FUT8: variants seen among roughly 807,000 people sequenced by gnomAD.
FUT8 encodes the protein alpha-(1,6)-fucosyltransferase.
A neutral mutation model predicts 71.3 loss-of-function variants in FUT8; 29 were observed. That is an observed-to-expected ratio of 0.41 (90% CI 0.30 to 0.55). The LOEUF is 0.55. FUT8 is among the 20% of genes least tolerant of loss of function. The pLI is 0.34. For synonymous variants in FUT8, 254 were observed against 239.3 expected, an observed-to-expected ratio of 1.06 and a Z score of -0.57; for missense variants, 544 against 702.1, an observed-to-expected ratio of 0.77 and a Z score of 2.55.
intron 6 of FUT8, among the ~76,000 whole-genome samples, chr14:65,637,301 C>T (rs1332933122): frequency 2.6e-5 from 4 of 152,108 alleles, no homozygotes; most frequent in African/African-American, 9.7e-5. Context: ...GTTGCGATTT[C>T]TGATGAGCTC....
In FUT8 at chr14:65,669,771, G is replaced by C. The variant is rs1055767223; in HGVS notation, c.835+291G>C. Among the ~76,000 whole-genome samples, 3 of 151,974 alleles carry C rather than the reference G, an allele frequency of 2.0e-5. No individual in the cohort carries two copies. The highest frequency in any genetic ancestry group is 7.3e-5 in the African/African-American group (3 of 41,350). The stretch of plus-strand genomic sequence containing the variant: ...TAATGATATGACTTTCACTCTATAA[G>C]ATGATTTCACATTATTGAACTCATT... On this transcript the variant is annotated intron_variant, in intron 7 of 10. Transcript: ENST00000673929. This position sits in a 1 kb window ranked among gnomAD's most constrained non-coding sequence, Gnocchi z 4.5.
At position 65,695,393 on chromosome 14, in the gene FUT8, CCT is replaced by C. The variant is rs138418441; in HGVS notation, c.835+25916_835+25917del. On this transcript the variant is annotated intron_variant, in intron 7 of 10. Coordinates refer to ENST00000673929, the MANE Select transcript of FUT8 (RefSeq NM_001371533.1). Reference sequence around the variant, plus strand: ...AATTGTGTCTTCTTGGATAATTAAACCTCTGTCATTATATAATGCTGTCTATT... The same window carrying C: ...AATTGTGTCTTCTTGGATAATTAAACCTGTCATTATATAATGCTGTCTATT... Among the ~76,000 whole-genome samples the C allele has an allele frequency of 8.8e-3, 1,342 of 152,172 alleles. 21 individuals carry two copies. The highest frequency in any genetic ancestry group is 0.028 in the African/African-American group (1,168 of 41,542).
At chr14:65,464,577 G>T (rs2066014952) in intron 2 of FUT8, among the ~76,000 whole-genome samples, 1 of 151,950 alleles carries the variant, frequency 6.6e-6, no homozygotes, top group East Asian at 1.9e-4. Flanking sequence ...AACTGATGTA[G>T]AATTTTATCA....
chr14:65,721,409 C>T (rs1052750344), intron 7 of FUT8, among the ~76,000 whole-genome samples: 2 of 152,132 alleles, frequency 1.3e-5, no homozygotes, highest in African/African-American at 4.8e-5. Flanking sequence ...TTCGAGAACA[C>T]TTTATTTTCT....
At chr14:65,673,836 T>G (rs909161008) in intron 7 of FUT8, among the ~76,000 whole-genome samples, 7 of 152,214 alleles carry the variant, frequency 4.6e-5, no homozygotes, top group Non-Finnish European at 8.8e-5. Flanking sequence ...TATAAGAAAT[T>G]GATTTCAGAT....
intron 2 of FUT8, among the ~76,000 whole-genome samples, chr14:65,517,242 G>A (rs1882771977): frequency 1.3e-5 from 2 of 151,864 alleles, no homozygotes; most frequent in Admixed American, 6.6e-5. Flanking sequence ...AAATTTGTTA[G>A]TTTACATATT....
chr14:65,555,098 A>G (rs376996268), intron 2 of FUT8, among the ~76,000 whole-genome samples: 14 of 152,072 alleles, frequency 9.2e-5, no homozygotes, highest in Admixed American at 8.5e-4. Flanking sequence ...CTAAGAATGG[A>G]TTTTTCATTT....
chr14:65,561,504 T>G lies in FUT8; in HGVS notation c.-60T>G. On this transcript the variant is annotated 5_prime_UTR_variant, in exon 3 of 11. Transcript: ENST00000673929. ...CCTGTGCACTAACTAGAAACAGAGTTACAATGTTTTCAATTCTTTGAGCTC... is the reference window on the plus strand; with the variant it reads ...CCTGTGCACTAACTAGAAACAGAGTGACAATGTTTTCAATTCTTTGAGCTC... 1 of 1,514,214 alleles carries G rather than the reference T, an allele frequency of 6.6e-7. No individual in the cohort carries two copies. Among genetic ancestry groups the G allele is most frequent in the Admixed American group, 1.7e-5 (1 of 59,144 alleles). 93.8% of individuals were successfully genotyped at this position (1,514,214 alleles called of 1,614,324 possible). A position where few individuals can be genotyped will look rare whatever the true frequency, so the allele number is the denominator to read the frequency against.
At chr14:65,699,295 G>C (rs913775950) in intron 7 of FUT8, among the ~76,000 whole-genome samples, 5 of 152,108 alleles carry the variant, frequency 3.3e-5, no homozygotes, top group African/African-American at 1.2e-4. Flanking sequence ...CCTGTTTAGA[G>C]GTAATGTAAC....
intron 2 of FUT8, among the ~76,000 whole-genome samples, chr14:65,516,664 T>A (rs935414394): frequency 6.6e-5 from 10 of 152,260 alleles, no homozygotes; most frequent in South Asian, 4.1e-4. Flanking sequence ...ACATTGAATA[T>A]ACAAAATATT....
chr14:65,522,646 A>G (rs1439406955), intron 2 of FUT8, among the ~76,000 whole-genome samples: 1 of 152,102 alleles, frequency 6.6e-6, no homozygotes, highest in African/African-American at 2.4e-5. Flanking sequence ...ATATGTATAC[A>G]TGTGCCATGT....
chr14:65,614,593 TGTTC>T (rs1378447714), intron 3 of FUT8, among the ~76,000 whole-genome samples: 2 of 152,216 alleles, frequency 1.3e-5, no homozygotes, highest in Non-Finnish European at 2.9e-5. Context: ...TATTTTTGTT[TGTTC>T]GTTCGTTTGC....
chr14:65,474,309 TA>T (rs980429999), intron 2 of FUT8, among the ~76,000 whole-genome samples: 4 of 148,452 alleles, frequency 2.7e-5, no homozygotes, highest in African/African-American at 9.9e-5. Flanking sequence ...AAAAGATATT[TA>T]AAAAAAAAGA....
At chr14:65,390,947 C>T in the FUT8 span, among the ~76,000 whole-genome samples, 1 of 152,026 alleles carries the variant, frequency 6.6e-6, no homozygotes, top group Non-Finnish European at 1.5e-5. Flanking sequence ...AGGATGGTCT[C>T]GATCTCCTGA....
chr14:65,370,085 C>T, the FUT8 span, among the ~76,000 whole-genome samples: 2 of 149,960 alleles, frequency 1.3e-5, no homozygotes, highest in Non-Finnish European at 2.9e-5. Flanking sequence ...TTCATGTCAT[C>T]GTGTGGCTAA....
chr14:65,443,273 GGTGGTGCTCACCT>G (rs1270284413), intron 1 of FUT8, among the ~76,000 whole-genome samples: 1 of 152,080 alleles, frequency 6.6e-6, no homozygotes, highest in Admixed American at 6.6e-5. Flanking sequence ...AGCCGGGCAT[GGTGGTGCTCACCT>G]GTGGTCCCAG....
At chr14:65,552,239 T>C (rs1003222747) in intron 2 of FUT8, among the ~76,000 whole-genome samples, 1 of 152,164 alleles carries the variant, frequency 6.6e-6, no homozygotes, top group Non-Finnish European at 1.5e-5. Context: ...TTTTTCTTTT[T>C]TGGTTGTTTG....
At chr14:65,411,567 AATCTCCTTT>A (rs1477698156), upstream of FUT8, 1 of 174,162 alleles carries the variant, frequency 5.7e-6, no homozygotes, top group African/African-American at 2.4e-5. Flanking sequence ...CTGCCTCTTA[AATCTCCTTT>A]CTGTGATCTT....
chr14:65,646,392 C>T (rs1246173693), intron 6 of FUT8: 4 of 152,168 alleles, frequency 2.6e-5, no homozygotes, highest in Admixed American at 2.6e-4. Flanking sequence ...GTCTCTAATA[C>T]AAAGATATAA....
Sources: allele counts gnomAD v4.1 joint callset (sites outside exome capture counted in the v4.1 genomes callset), GRCh38; gene constraint gnomAD v4.1.1; non-coding constraint Gnocchi (gnomAD v3.1); transcripts MANE v1.5; gene names NCBI Gene and HGNC (gene_info 2026-07-23, HGNC 2026-07-21).